SHOC2: variants seen among roughly 807,000 people sequenced by gnomAD.
The protein encoded by SHOC2 is leucine-rich repeat protein SHOC-2.
A neutral mutation model predicts 50.2 loss-of-function variants in SHOC2; 4 were observed. That is an observed-to-expected ratio of 0.08 (90% CI 0.04 to 0.18). The LOEUF is 0.18. Ranked by LOEUF, SHOC2 falls within the 10% of genes least tolerant of loss-of-function variation. SHOC2 has a pLI of 1.00. For missense variants in SHOC2, 388 were observed against 669.6 expected (o/e 0.58, Z 4.64); for synonymous variants, 218 against 244.5 (o/e 0.89, Z 1.01).
At chr10:110,995,905 A>G (rs1848259694) in intron 3 of SHOC2, among the ~76,000 whole-genome samples, 1 of 152,164 alleles carries the variant, frequency 6.6e-6, no homozygotes, top group South Asian at 2.1e-4. Context: ...CCTTCTTTCT[A>G]AGATTAACTT....
rs1490693236 is a variant in SHOC2, at chr10:111,013,249, A to G, written c.*1431A>G. On this transcript the variant is annotated 3_prime_UTR_variant, in exon 9 of 9. Coordinates refer to ENST00000369452, the MANE Select transcript of SHOC2 (RefSeq NM_007373.4). ...GTGCGTTCTAGATGTCATCCTAAAA[A>G]ACACTTCATATATAATTAATCACTA... 1 of 151,992 alleles carries G rather than the reference A, an allele frequency of 6.6e-6. No homozygotes were observed. The highest frequency in any genetic ancestry group is 1.5e-5 in the Non-Finnish European group (1 of 67,974). 9.4% of individuals were successfully genotyped at this position (151,992 alleles called of 1,614,324 possible).
intron 1 of SHOC2, among the ~76,000 whole-genome samples, chr10:110,925,462 T>G (rs1564700153): frequency 6.6e-6 from 1 of 152,020 alleles, no homozygotes; most frequent in Non-Finnish European, 1.5e-5. Flanking sequence ...TTTGGTTTTG[T>G]TTTTGTTTTC....
At chr10:110,919,894 G>T in intron 1 of SHOC2, 1 of 337,538 alleles carries the variant, frequency 3.0e-6, no homozygotes, top group South Asian at 1.4e-4. Context: ...CGGCTCGCGT[G>T]GGAGCCTGCA....
chr10:110,989,465 T>A (rs1848141768), intron 3 of SHOC2, among the ~76,000 whole-genome samples: 1 of 152,222 alleles, frequency 6.6e-6, no homozygotes, highest in Non-Finnish European at 1.5e-5. Flanking sequence ...CTCCTATAGT[T>A]CTTGCATGTG....
At position 110,937,114 on chromosome 10, in the gene SHOC2, G is replaced by A. The variant is rs1322340536; in HGVS notation, c.-235+17457G>A. ...TGTAGAAATTGCCAGAAATGTTGAT[G>A]CCTTTGCAGCGTACGACCACCACCT... On this transcript the variant is annotated intron_variant, in intron 1 of 8. Transcript: ENST00000369452. 5.5e-6 allele frequency: 8 copies of A among 1,466,920 alleles called. No homozygotes were observed. In the Admixed American group the frequency reaches 8.4e-5, roughly 15 times the overall value. 90.9% of individuals were successfully genotyped at this position (1,466,920 alleles called of 1,614,324 possible). A position where few individuals can be genotyped will look rare whatever the true frequency, so the allele number is the denominator to read the frequency against.
intron 2 of SHOC2, among the ~76,000 whole-genome samples, chr10:110,972,151 T>C (rs1039874998): frequency 2.0e-5 from 3 of 150,810 alleles, no homozygotes; most frequent in African/African-American, 7.3e-5. Context: ...ATTATTACTA[T>C]AACTTTATAA....
At chr10:110,941,026 C>T (rs560634748) in intron 1 of SHOC2, among the ~76,000 whole-genome samples, 14 of 149,068 alleles carry the variant, frequency 9.4e-5, no homozygotes, top group Admixed American at 6.0e-4. Context: ...CCATGTCCTG[C>T]GCTCAAGCAG....
At chr10:110,943,615 G>A (rs751650847) in intron 1 of SHOC2, among the ~76,000 whole-genome samples, 2 of 152,192 alleles carry the variant, frequency 1.3e-5, no homozygotes, top group African/African-American at 2.4e-5. Context: ...CCTTCTGTGA[G>A]CCTGTGTCTT....
At chr10:110,931,835 A>G (rs1590778062) in intron 1 of SHOC2, among the ~76,000 whole-genome samples, 1 of 152,202 alleles carries the variant, frequency 6.6e-6, no homozygotes, top group African/African-American at 2.4e-5. Flanking sequence ...TAAGTGTTAT[A>G]TGTGCTAAGT....
In SHOC2 at chr10:111,013,227, C is replaced by G. The variant is rs1046472169; in HGVS notation, c.*1409C>G. On this transcript the variant is annotated 3_prime_UTR_variant, in exon 9 of 9. Coordinates refer to ENST00000369452, the MANE Select transcript of SHOC2 (RefSeq NM_007373.4). ...TATTGAGGAGTCTCAGAGCAAGGTG[C>G]GTTCTAGATGTCATCCTAAAAAACA... 6.6e-6 allele frequency: 1 copy of G among 151,466 alleles called. No homozygotes were observed. The highest frequency in any genetic ancestry group is 2.4e-5 in the African/African-American group (1 of 41,186). The allele number at this position is 151,466 out of a possible 1,614,324, so 9.4% of individuals were successfully genotyped here.
Position 110,976,789 on chromosome 10 carries a change from T to C in SHOC2, c.704-8839T>C, listed in dbSNP as rs905990096. Among the ~76,000 whole-genome samples, 4 of 152,178 alleles carry C rather than the reference T, an allele frequency of 2.6e-5. No individual in the cohort carries two copies. In the East Asian group the frequency reaches 7.7e-4, roughly 29 times the overall value. On this transcript the variant is annotated intron_variant, in intron 2 of 8. Coordinates refer to ENST00000369452, the MANE Select transcript of SHOC2 (RefSeq NM_007373.4). ...TTTATAAGCCTCTTGGATCTGTGGGTTTATGGTTTTCATCAAAATTAGAAA... is the reference window on the plus strand; with the variant it reads ...TTTATAAGCCTCTTGGATCTGTGGGCTTATGGTTTTCATCAAAATTAGAAA...
At chr10:110,937,272 T>TG (rs1234397474) in intron 1 of SHOC2, 1 of 796,244 alleles carries the variant, frequency 1.3e-6, no homozygotes, top group Admixed American at 1.9e-5. Flanking sequence ...TTTTTTTTTT[T>TG]GGTCCAATCC....
chr10:110,960,423 C>G (rs1481624211), intron 1 of SHOC2, among the ~76,000 whole-genome samples: 1 of 152,148 alleles, frequency 6.6e-6, no homozygotes, highest in East Asian at 1.9e-4. Context: ...GATGTTTTAT[C>G]TCTGAAATCC....
chr10:111,006,957 G>C (rs1293757616), intron 5 of SHOC2, among the ~76,000 whole-genome samples: 3 of 152,114 alleles, frequency 2.0e-5, no homozygotes, highest in Non-Finnish European at 4.4e-5. Context: ...CTCTGTTTTG[G>C]TGATGAATAT....
intron 2 of SHOC2, among the ~76,000 whole-genome samples, chr10:110,966,861 G>A (rs1377772556): frequency 1.3e-5 from 2 of 152,046 alleles, no homozygotes; most frequent in Non-Finnish European, 2.9e-5. Flanking sequence ...CTGTAAAAAT[G>A]GTAATATCAT....
intron 1 of SHOC2, among the ~76,000 whole-genome samples, chr10:110,925,697 T>C (rs910571687): frequency 6.6e-6 from 1 of 152,190 alleles, no homozygotes; most frequent in African/African-American, 2.4e-5. Context: ...GCTCAAACAA[T>C]CCACCTGCCT....
intron 1 of SHOC2, chr10:110,919,928 T>C: frequency 4.1e-6 from 1 of 245,866 alleles, no homozygotes; most frequent in Non-Finnish European, 7.6e-6. Flanking sequence ...AGGAAGGCGG[T>C]CGGGTGTGAC....
chr10:110,934,498 A>G (rs1185783019), intron 1 of SHOC2, among the ~76,000 whole-genome samples: 5 of 152,170 alleles, frequency 3.3e-5, no homozygotes, highest in East Asian at 1.9e-4. Flanking sequence ...CTATGCTGTC[A>G]TTTTTAATAT....
intron 1 of SHOC2, among the ~76,000 whole-genome samples, chr10:110,963,114 T>A (rs889487391): frequency 3.3e-5 from 5 of 152,162 alleles, no homozygotes; most frequent in Admixed American, 3.3e-4. Flanking sequence ...TTATCTTTAA[T>A]CCCTAGTACC....
Sources: allele counts gnomAD v4.1 joint callset (sites outside exome capture counted in the v4.1 genomes callset), GRCh38; gene constraint gnomAD v4.1.1; transcripts MANE v1.5; gene names NCBI Gene and HGNC (gene_info 2026-07-23, HGNC 2026-07-21).